Variants in PKD1 observed in about 807,000 individuals in gnomAD.
PKD1 encodes the protein polycystin 1, transient receptor potential channel interacting.
PKD1 carries 81 observed loss-of-function variants against 361.7 expected under a neutral mutation model. That is an observed-to-expected ratio of 0.22 (90% CI 0.19 to 0.27). The LOEUF (loss-of-function observed/expected upper bound fraction) is 0.27, where lower values mean the gene tolerates loss of function less well. Among genes scored for constraint, PKD1 ranks in the 10% least tolerant of loss-of-function variants. PKD1 has a pLI of 1.00. For missense variants in PKD1, 6,399 were observed against 6,118.3 expected (o/e 1.05, Z -1.53); for synonymous variants, 3,615 against 2,818.3 (o/e 1.28, Z -8.95).
intron 31 of PKD1, 26 bp downstream of exon 31, chr16:2,097,842 C>T (rs1336813574): frequency 6.2e-7 from 1 of 1,607,838 alleles, no homozygotes; most frequent in Non-Finnish European, 8.5e-7. Flanking sequence ...CCCAGCCCAG[C>T]CCAGGACCCC....
Position 2,103,273 on chromosome 16 carries a change from C to T in PKD1, c.8784G>A (p.Leu2928=). The change falls in exon 23 of 46, where the codon CTG becomes CTA. Residue 2928 remains leucine (L), a synonymous_variant. Transcript: ENST00000262304. ...CCCACCCGCTGCACGCACCGTCCAG[C>T]AGCGTATAGTTGAGCTGCAGATGCA... ...AGLHLQLNYT[L]LDGHYLSEEP... is the part of the protein sequence containing the mutation. 2 of 1,609,688 alleles carry T rather than the reference C, an allele frequency of 1.2e-6. No homozygotes were observed. The highest frequency in any genetic ancestry group is 1.3e-5 in the African/African-American group (1 of 74,966).
At position 2,089,693 on chromosome 16, in the gene PKD1, C is replaced by A; in HGVS notation, c.*34G>T. The A allele has an allele frequency of 6.4e-7, 1 of 1,553,452 alleles. No individual in the cohort carries two copies. The highest frequency in any genetic ancestry group is 8.7e-7 in the Non-Finnish European group (1 of 1,149,366). On this transcript the variant is annotated 3_prime_UTR_variant, in exon 46 of 46. Transcript: ENST00000262304. ...AAGTAATACTGAGCGGTGTCCACTC[C>A]GACTCCACGGCCCACCCCCGCCAGG... is the stretch of plus-strand genomic sequence containing the variant.
chr16:2,135,086 A>G (rs2092934913), intron 1 of PKD1: 10 of 975,854 alleles, frequency 1.0e-5, no homozygotes, highest in Non-Finnish European at 1.2e-5. Flanking sequence ...ATCCTTTTCC[A>G]GACACCTCCT....
Position 2,108,510 on chromosome 16 carries a change from C to A in PKD1, c.6657G>T (p.Pro2219=), listed in dbSNP as rs762530276. Residue 2219 remains proline (P), a synonymous_variant, in exon 15 of 46, where the codon CCG becomes CCT. Transcript: ENST00000262304. ...VDVSRPRLVL[P]RLALPVGHYC... is the part of the protein sequence containing the mutation. ...AGTGCCCCACAGGCAGCGCCAGCCG[C>A]GGCAGCACCAGCCGAGGCCGGCTCA... 1 of 1,608,750 alleles carries A rather than the reference C, an allele frequency of 6.2e-7. No homozygotes were observed. Among genetic ancestry groups the A allele is most frequent in the Non-Finnish European group, 8.5e-7 (1 of 1,179,226 alleles).
rs1249632803 is a variant in PKD1, at chr16:2,117,882, G to A, written c.1110C>T (p.Asp370=). The change falls in exon 5 of 46, where the codon GAC becomes GAT. Residue 370 remains aspartate, a synonymous_variant. Coordinates refer to ENST00000262304, the MANE Select transcript of PKD1 (RefSeq NM_001009944.3). ...ELVCPSSVQS[D]ESLDLSIQNR... Reference sequence around the variant, plus strand: ...TCTGGATGCTGAGGTCGAGGCTCTCGTCACTCTGCACCGAGGACGGGCACA... The same window carrying A: ...TCTGGATGCTGAGGTCGAGGCTCTCATCACTCTGCACCGAGGACGGGCACA... 20 of 1,190,736 alleles carry A rather than the reference G, an allele frequency of 1.7e-5. No individual in the cohort carries two copies. The highest frequency in any genetic ancestry group is 4.0e-5 in the Admixed American group (2 of 50,500). The allele number at this position is 1,190,736 out of a possible 1,614,324, so 73.8% of individuals were successfully genotyped here.
rs139631668 is a variant in PKD1, at chr16:2,102,872, G to A, written c.8890C>T (p.Arg2964Cys). 20 of 1,610,072 alleles carry A rather than the reference G, an allele frequency of 1.2e-5. No homozygotes were observed. Among genetic ancestry groups the A allele is most frequent in the East Asian group, 2.2e-5 (1 of 44,892 alleles). Residue 2964 changes from arginine (R) to cysteine (C), a missense_variant, in exon 24 of 46, where the codon CGC (arginine) becomes TGC (cysteine). Transcript: ENST00000262304. Reference sequence around the variant, plus strand: ...TCAGCACCCTGGAGTGACTCTGGGCGGATCCTCCTGCTAGCCGAGCAGTTG... The same window carrying A: ...TCAGCACCCTGGAGTGACTCTGGGCAGATCCTCCTGCTAGCCGAGCAGTTG... ...EHNCSASRRI[R>C]PESLQGADHR...
rs775381041 is a variant in PKD1, at chr16:2,110,955, G to A, written c.4212C>T (p.Ala1404=). 7 of 1,610,668 alleles carry A rather than the reference G, an allele frequency of 4.3e-6. No homozygotes were observed. In the African/African-American group the frequency reaches 6.7e-5, roughly 15 times the overall value. The change falls in exon 15 of 46, where the codon GCC becomes GCT. Residue 1404 remains alanine, a synonymous_variant. Transcript: ENST00000262304. ...TGTAGCGGTAGGGGAACGGGGGCCA[G>A]GCACATGCCACCAGCCAGGCCTCGT... ...LGDEAWLVAC[A]WPPFPYRYTW...
At position 2,135,596 on chromosome 16, in the gene PKD1, G is replaced by C; in HGVS notation, c.94C>G (p.Pro32Ala). The C allele has an allele frequency of 9.8e-7, 1 of 1,020,186 alleles. No homozygotes were observed. Among genetic ancestry groups the C allele is most frequent in the Non-Finnish European group, 1.2e-6 (1 of 853,954 alleles). 63.2% of individuals were successfully genotyped at this position (1,020,186 alleles called of 1,614,324 possible). The part of the protein sequence containing the change: ...LAGGPGRGCG[P>A]CEPPCLCGPA... ...CCGCAGAGGCAGGGGGGCTCGCAGG[G>C]CCCGCAGCCGCGCCCGGGGCCCCCC... The change falls in exon 1 of 46, where the codon CCC (proline) becomes GCC (alanine). Residue 32 changes from proline (P) to alanine (A), a missense_variant. Physicochemically the swap from Pro to Ala is conservative, Grantham distance 27. Coordinates refer to ENST00000262304, the MANE Select transcript of PKD1 (RefSeq NM_001009944.3).
chr16:2,092,965 C>T lies in PKD1; in HGVS notation c.11145G>A (p.Leu3715=), dbSNP rs1474765883. 6.2e-7 allele frequency: 1 copy of T among 1,613,046 alleles called. No individual in the cohort carries two copies. Among genetic ancestry groups the T allele is most frequent in the Non-Finnish European group, 8.5e-7 (1 of 1,180,018 alleles). The change falls in exon 38 of 46, where the codon CTG becomes CTA. Residue 3715 remains leucine (L), a synonymous_variant. Coordinates refer to ENST00000262304, the MANE Select transcript of PKD1 (RefSeq NM_001009944.3). ...CCGGATGCCCGTACCGCGTGATGGCCAGGAAGGCCCGGCTGTGCAGCTCCT... is the reference window on the plus strand; with the variant it reads ...CCGGATGCCCGTACCGCGTGATGGCTAGGAAGGCCCGGCTGTGCAGCTCCT... The part of the protein sequence containing the change: ...IKQELHSRAF[L]AITRSEELWP...
In PKD1 at chr16:2,100,664, G is replaced by C; in HGVS notation, c.9398-98C>G. ...TCAGCTTTGGCCTGTGCGCACTCAAGGAGCCACACAGGCAGTCCCGGCTTT... is the reference window on the plus strand; with the variant it reads ...TCAGCTTTGGCCTGTGCGCACTCAACGAGCCACACAGGCAGTCCCGGCTTT... On this transcript the variant is annotated intron_variant, in intron 26 of 45. Transcript: ENST00000262304. The surrounding 1 kb of genome is among the most constrained non-coding windows in gnomAD (Gnocchi z 4.4). 2.8e-6 allele frequency: 3 copies of C among 1,060,234 alleles called. No homozygotes were observed. The highest frequency in any genetic ancestry group is 2.4e-5 in the East Asian group (1 of 41,576). 65.7% of individuals were successfully genotyped at this position (1,060,234 alleles called of 1,614,324 possible).
chr16:2,107,507 C>T (rs2151780942), intron 16 of PKD1: 1 of 391,018 alleles, frequency 2.6e-6, no homozygotes. Flanking sequence ...GGCTCAGGGT[C>T]ACCAAGCCTC....
chr16:2,107,122 C>T lies in PKD1; in HGVS notation c.7066-174G>A, dbSNP rs373524428. ...CCGGTTTGCCACCTTCCAACTTGGACGGCGGAAGGGCATACACAGGGCAGA... is the reference window on the plus strand; with the variant it reads ...CCGGTTTGCCACCTTCCAACTTGGATGGCGGAAGGGCATACACAGGGCAGA... On this transcript the variant is annotated intron_variant, in intron 16 of 45. Transcript: ENST00000262304. The T allele has an allele frequency of 5.2e-5, 36 of 690,918 alleles. 1 individual carries two copies. In the Middle Eastern group the frequency reaches 1.1e-3, roughly 22 times the overall value. The allele number at this position is 690,918 out of a possible 1,614,324, so 42.8% of individuals were successfully genotyped here.
rs370648270 is a variant in PKD1, at chr16:2,112,936, C to T, written c.3013G>A (p.Val1005Ile). The change falls in exon 13 of 46, where the codon GTC becomes ATC. Residue 1005 changes from valine (V) to isoleucine (I), a missense_variant. By Grantham distance (29) the Val-to-Ile change is conservative. Coordinates refer to ENST00000262304, the MANE Select transcript of PKD1 (RefSeq NM_001009944.3). ...ACGGTTACGTTGTAGTTCACGGTGACGTTGCTCACGTGGTTGGAGGCCGTC... is the reference window on the plus strand; with the variant it reads ...ACGGTTACGTTGTAGTTCACGGTGATGTTGCTCACGTGGTTGGAGGCCGTC... Reference protein sequence around the residue: ...SLTASNHVSNVTVNYNVTVER... With the variant: ...SLTASNHVSNITVNYNVTVER... 1.5e-4 allele frequency: 241 copies of T among 1,602,792 alleles called. No individual in the cohort carries two copies. The highest frequency in any genetic ancestry group is 2.3e-4 in the Middle Eastern group (1 of 4,428).
At chr16:2,094,979 TAA>T (rs1184609650) in intron 34 of PKD1, 1 of 152,104 alleles carries the variant, frequency 6.6e-6, no homozygotes, top group East Asian at 1.9e-4. Flanking sequence ...TCTCGGAGGA[TAA>T]AAGACACTCT....
In PKD1 at chr16:2,089,432, GGCACAGCCC is replaced by G. The variant is rs1158739459; in HGVS notation, c.*286_*294del. On this transcript the variant is annotated 3_prime_UTR_variant, in exon 46 of 46. Transcript: ENST00000262304. ...GACATCTGCCCAGGGGGTGGGGCCG[GGCACAGCCC>G]GCTGTACCTGAGGACTCGGGGAAAT... The G allele has an allele frequency of 8.2e-6, 4 of 489,066 alleles. No homozygotes were observed. The highest frequency in any genetic ancestry group is 7.8e-5 in the African/African-American group (4 of 51,416). The allele number at this position is 489,066 out of a possible 1,614,324, so 30.3% of individuals were successfully genotyped here. A position where few individuals can be genotyped will look rare whatever the true frequency, so the allele number is the denominator to read the frequency against.
In PKD1 at chr16:2,099,875, G is replaced by T. The variant is rs2855354; in HGVS notation, c.9909C>A (p.Gly3303=). ...GANAVWYGAV[G]DSAYSTGHVS... The stretch of plus-strand genomic sequence containing the variant: ...ACGGCACCCACCTGTAGGCAGAGTC[G>T]CCAACAGCCCCGTACCACACGGCGT... Residue 3303 remains glycine (G), a synonymous_variant, in exon 29 of 46, where the codon GGC becomes GGA. Coordinates refer to ENST00000262304, the MANE Select transcript of PKD1 (RefSeq NM_001009944.3). 7 of 1,567,122 alleles carry T rather than the reference G, an allele frequency of 4.5e-6. No homozygotes were observed. In the Admixed American group the frequency reaches 7.6e-5, roughly 17 times the overall value.
chr16:2,110,352 G>A lies in PKD1; in HGVS notation c.4815C>T (p.Gly1605=), dbSNP rs149561527. ...CAGCCGTGACGATGATATTGAAGGT[G>A]CCCACGGAGCGGAAGGTGTAAGAGA... ...PTISYTFRSV[G]TFNIIVTAEN... The change falls in exon 15 of 46, where the codon GGC becomes GGT. Residue 1605 remains glycine, a synonymous_variant. Transcript: ENST00000262304. 1.4e-5 allele frequency: 22 copies of A among 1,612,516 alleles called. No individual in the cohort carries two copies. The East Asian group carries it at 2.5e-4, about 18-fold the overall frequency.
chr16:2,092,012 T>A, intron 40 of PKD1, 35 bp downstream of exon 40: 2 of 1,612,624 alleles, frequency 1.2e-6, no homozygotes, highest in East Asian at 4.5e-5. Context: ...TCCCTTGTCC[T>A]TGGCGTAGAC....
At chr16:2,120,753 T>A (rs1386319551) in intron 1 of PKD1, among the ~76,000 whole-genome samples, 1 of 152,038 alleles carries the variant, frequency 6.6e-6, no homozygotes, top group East Asian at 1.9e-4. Flanking sequence ...GCACGGTGGC[T>A]CACTCCTGTA....
Sources: allele counts gnomAD v4.1 joint callset (sites outside exome capture counted in the v4.1 genomes callset), GRCh38; gene constraint gnomAD v4.1.1; non-coding constraint Gnocchi (gnomAD v3.1); transcripts MANE v1.5; gene names NCBI Gene and HGNC (gene_info 2026-07-23, HGNC 2026-07-21).